FAT3: variants seen among roughly 807,000 people sequenced by gnomAD.
FAT3 encodes the protein FAT atypical cadherin 3.
Under a neutral mutation model 310.2 loss-of-function variants are expected in FAT3, and 95 were observed. The observed-to-expected ratio is 0.31, with a 90% CI of 0.26 to 0.36. The LOEUF is 0.36. Among genes scored for constraint, FAT3 ranks in the 10% least tolerant of loss-of-function variants. The pLI is 1.00. For missense variants in FAT3, 5,408 were observed against 5,715.6 expected, an observed-to-expected ratio of 0.95 and a Z score of 1.74; for synonymous variants, 2,314 against 2,192.9, an observed-to-expected ratio of 1.06 and a Z score of -1.54.
intron 1 of FAT3, among the ~76,000 whole-genome samples, chr11:92,258,401 C>G (rs558129953): frequency 3.3e-5 from 5 of 152,106 alleles, no homozygotes; most frequent in Non-Finnish European, 7.4e-5. Context: ...AACAAGGGGT[C>G]TGCCTTGAGG....
At chr11:92,847,126 G>A (rs919998851) in intron 19 of FAT3, among the ~76,000 whole-genome samples, 5 of 152,194 alleles carry the variant, frequency 3.3e-5, no homozygotes, top group African/African-American at 1.2e-4. Flanking sequence ...TCAGTGCTAT[G>A]TACTGTATAA....
chr11:92,316,466 T>C (rs559758544), intron 1 of FAT3, among the ~76,000 whole-genome samples: 2 of 152,334 alleles, frequency 1.3e-5, no homozygotes, highest in East Asian at 1.9e-4. Context: ...GTTCTCCTAA[T>C]GGCATGCCAA....
chr11:92,885,609 T>G (rs1050366203), intron 24 of FAT3, among the ~76,000 whole-genome samples: 17 of 152,158 alleles, frequency 1.1e-4, no homozygotes, highest in Non-Finnish European at 1.2e-4. Flanking sequence ...CCTCTCAAAT[T>G]ATCTGTTGAG....
intron 13 of FAT3, among the ~76,000 whole-genome samples, chr11:92,823,055 A>T (rs777214527): frequency 2.0e-5 from 3 of 152,124 alleles, no homozygotes; most frequent in Admixed American, 2.0e-4. Context: ...AACTCTATAC[A>T]TGCTTGTCTC....
At chr11:92,879,442 C>G (rs1045892842) in intron 22 of FAT3, among the ~76,000 whole-genome samples, 1 of 152,122 alleles carries the variant, frequency 6.6e-6, no homozygotes, top group Non-Finnish European at 1.5e-5. Flanking sequence ...CAACTAAACT[C>G]GGAGAGACCG....
intron 27 of FAT3, 105 bp downstream of exon 27, chr11:92,889,996 T>C (rs1949880302): frequency 2.8e-6 from 2 of 716,396 alleles, no homozygotes; most frequent in Non-Finnish European, 5.2e-6. Context: ...GAATTTTGCA[T>C]GTCTCAGGTG....
intron 3 of FAT3, among the ~76,000 whole-genome samples, chr11:92,614,652 C>T (rs941550117): frequency 1.6e-4 from 25 of 152,100 alleles, no homozygotes; most frequent in Non-Finnish European, 1.5e-5. Flanking sequence ...TTCTCCTGAT[C>T]AATGCATTGT....
chr11:92,712,070 C>A (rs1944541913), intron 4 of FAT3, among the ~76,000 whole-genome samples: 1 of 152,144 alleles, frequency 6.6e-6, no homozygotes, highest in Non-Finnish European at 1.5e-5. Flanking sequence ...TTTGGCATAG[C>A]TGTCTGCATT....
Position 92,798,865 on chromosome 11 carries a change from A to G in FAT3, c.5852A>G (p.Tyr1951Cys). The change falls in exon 10 of 28, where the codon TAC (tyrosine) becomes TGC (cysteine). Residue 1951 changes from tyrosine to cysteine, a missense_variant. By Grantham distance (194) the Tyr-to-Cys change is radical. This residue lies in a region of FAT3 where 4,588 missense variants were observed against 4,809.8 expected (regional missense o/e 0.95). Coordinates refer to ENST00000525166, the MANE Select transcript of FAT3 (RefSeq NM_001367949.2). The part of the protein sequence containing the change: ...IKNNNLSKDH[Y>C]MLIVKVSDGK... ...AACAACAACCTCTCCAAGGATCACT[A>G]CATGCTGATAGTTAAGGTGTCTGAT... is the stretch of plus-strand genomic sequence containing the variant. 2 of 1,613,958 alleles carry G rather than the reference A, an allele frequency of 1.2e-6. No homozygotes were observed. The highest frequency in any genetic ancestry group is 1.7e-6 in the Non-Finnish European group (2 of 1,179,868).
chr11:92,531,516 G>A (rs888843999), intron 3 of FAT3, among the ~76,000 whole-genome samples: 3 of 152,098 alleles, frequency 2.0e-5, no homozygotes, highest in South Asian at 4.2e-4. Context: ...TCTTGCCCTG[G>A]CTGGGACCTT....
chr11:92,414,904 G>C (rs995483829), intron 2 of FAT3, among the ~76,000 whole-genome samples: 1 of 151,958 alleles, frequency 6.6e-6, no homozygotes, highest in African/African-American at 2.4e-5. Context: ...CAGCTACTCC[G>C]GAGGCTGAGG....
At chr11:92,694,212 C>G (rs1943874532) in intron 3 of FAT3, among the ~76,000 whole-genome samples, 1 of 152,184 alleles carries the variant, frequency 6.6e-6, no homozygotes, top group South Asian at 2.1e-4. Context: ...GCAGACACTC[C>G]CTATCCCCAT....
At chr11:92,327,540 T>C (rs1947797077) in intron 1 of FAT3, among the ~76,000 whole-genome samples, 2 of 152,248 alleles carry the variant, frequency 1.3e-5, no homozygotes, top group African/African-American at 4.8e-5. Context: ...ATGCGTTTTC[T>C]TTAATCACTT....
chr11:92,791,296 C>G (rs1947034302), intron 8 of FAT3, among the ~76,000 whole-genome samples: 1 of 152,120 alleles, frequency 6.6e-6, no homozygotes. Flanking sequence ...GTTCCTGCAC[C>G]CTAGGAGCTT....
intron 1 of FAT3, among the ~76,000 whole-genome samples, chr11:92,269,772 TA>T (rs1210392403): frequency 6.6e-6 from 1 of 152,134 alleles, no homozygotes; most frequent in Non-Finnish European, 1.5e-5. Context: ...ATTTTCAGAA[TA>T]AAGTCCCAAG....
chr11:92,299,270 C>G (rs901701428), intron 1 of FAT3, among the ~76,000 whole-genome samples: 3 of 151,932 alleles, frequency 2.0e-5, no homozygotes, highest in African/African-American at 7.3e-5. Context: ...CTGGAAGTAC[C>G]CAAGAAAGAC....
rs373955910 is a variant in FAT3 at position 92,883,084 on chromosome 11, C to T, written c.12628C>T (p.Arg4210Trp). 1.9e-6 allele frequency: 3 copies of T among 1,613,874 alleles called. No individual in the cohort carries two copies. The highest frequency in any genetic ancestry group is 2.2e-5 in the East Asian group (1 of 44,868). ...TAACAAGAGCAATGGCATCCCGTTCCGGAACCTGCGCGGCAGTGGGGACGG... is the reference window on the plus strand; with the variant it reads ...TAACAAGAGCAATGGCATCCCGTTCTGGAACCTGCGCGGCAGTGGGGACGG... ...LLNKSNGIPF[R>W]NLRGSGDGRN... The change falls in exon 24 of 28, where the codon CGG becomes TGG. Residue 4210 changes from arginine (R) to tryptophan (W), a missense_variant. Arg to Trp is a moderately radical substitution (Grantham distance 101). Coordinates refer to ENST00000525166, the MANE Select transcript of FAT3 (RefSeq NM_001367949.2). The surrounding 1 kb of genome is among the most constrained non-coding windows in gnomAD (Gnocchi z 4.2).
intron 4 of FAT3, among the ~76,000 whole-genome samples, chr11:92,721,801 A>G (rs1944867063): frequency 6.6e-6 from 1 of 152,254 alleles, no homozygotes; most frequent in East Asian, 1.9e-4. Flanking sequence ...AGAAGATGAA[A>G]GGCATATCTT....
chr11:92,319,875 T>C (rs1035319455), intron 1 of FAT3, among the ~76,000 whole-genome samples: 4 of 152,194 alleles, frequency 2.6e-5, no homozygotes, highest in African/African-American at 7.2e-5. Context: ...AACATGTTAA[T>C]AGTTATGGGA....
Sources: allele counts gnomAD v4.1 joint callset (sites outside exome capture counted in the v4.1 genomes callset), GRCh38; gene constraint gnomAD v4.1.1; regional missense constraint gnomAD v4.1.1; non-coding constraint Gnocchi (gnomAD v3.1); transcripts MANE v1.5; gene names NCBI Gene and HGNC (gene_info 2026-07-23, HGNC 2026-07-21).